The following LAMA5 variants were observed in gnomAD, a reference collection of about 807,000 sequenced individuals.
The protein encoded by LAMA5 is laminin subunit alpha-5.
LAMA5 carries 260 observed loss-of-function variants against 433.4 expected under a neutral mutation model. The observed-to-expected ratio is 0.60, with a 90% CI of 0.54 to 0.66. The LOEUF (loss-of-function observed/expected upper bound fraction) is 0.66. Ranked by LOEUF, LAMA5 falls within the 30% of genes least tolerant of loss-of-function variation. LAMA5 has a pLI of 0.00. For synonymous variants in LAMA5, 2,620 were observed against 2,226.6 expected, an observed-to-expected ratio of 1.18 and a Z score of -4.97; for missense variants, 5,378 against 5,258.5, an observed-to-expected ratio of 1.02 and a Z score of -0.70.
intron 2 of LAMA5, among the ~76,000 whole-genome samples, chr20:62,357,520 C>T (rs1441207462): frequency 6.6e-6 from 1 of 152,198 alleles, no homozygotes; most frequent in East Asian, 1.9e-4. Flanking sequence ...CAGCCGGGAG[C>T]ATCTCCACTG....
rs146456818 is a variant in LAMA5, at chr20:62,315,040, C to T, written c.8035G>A (p.Ala2679Thr). The T allele has an allele frequency of 1.4e-5, 22 of 1,593,432 alleles. No homozygotes were observed. The highest frequency in any genetic ancestry group is 6.7e-5 in the South Asian group (6 of 89,920). Residue 2679 changes from alanine to threonine, a missense_variant, in exon 59 of 80, where the codon GCA becomes ACA. Coordinates refer to ENST00000252999, the MANE Select transcript of LAMA5 (RefSeq NM_005560.6). Reference protein sequence around the residue: ...GQDLGQAVLDAGHSVSTLEKT... With the variant: ...GQDLGQAVLDTGHSVSTLEKT... The stretch of plus-strand genomic sequence containing the variant: ...GCCATGGGCGCACCTGAGTGGCCTG[C>T]GTCAAGCACTGCCTGGCCCAGGTCC...
intron 3 of LAMA5, among the ~76,000 whole-genome samples, chr20:62,352,562 C>A (rs1274234601): frequency 6.6e-6 from 1 of 152,146 alleles, no homozygotes; most frequent in African/African-American, 2.4e-5. Flanking sequence ...CCCTTGCACG[C>A]TTTGAGTGCG....
rs759094750 is a variant in LAMA5 at position 62,337,601 on chromosome 20, G to A, written c.2153C>T (p.Pro718Leu). The A allele has an allele frequency of 6.2e-7, 1 of 1,608,516 alleles. No individual in the cohort carries two copies. Among genetic ancestry groups the A allele is most frequent in the Admixed American group, 1.7e-5 (1 of 59,360 alleles). The change falls in exon 16 of 80, where the codon CCC becomes CTC. Residue 718 changes from proline (P) to leucine (L), a missense_variant. Transcript: ENST00000252999. ...ACCTGCCTGCTCACCTTCGCAGTAGGGGAAGTTGTAGGCACCGGGCACACA... is the reference window on the plus strand; with the variant it reads ...ACCTGCCTGCTCACCTTCGCAGTAGAGGAAGTTGTAGGCACCGGGCACACA... ...DTCVPGAYNF[P>L]YCEAGSCHPA...
Position 62,327,186 on chromosome 20 carries a change from C to A in LAMA5, c.5112+47G>T. 6 of 1,449,858 alleles carry A rather than the reference C, an allele frequency of 4.1e-6. No individual in the cohort carries two copies. The South Asian group carries it at 8.7e-5, about 21-fold the overall frequency. The allele number at this position is 1,449,858 out of a possible 1,614,324, so 89.8% of individuals were successfully genotyped here. A position where few individuals can be genotyped will look rare whatever the true frequency, so the allele number is the denominator to read the frequency against. ...CCTGGCTCCCAACCCTCTCAGGCGT[C>A]CTGGCCATCCTCAAAGTGCCTCCCC... is the stretch of plus-strand genomic sequence containing the variant. On this transcript the variant is annotated intron_variant, in intron 38 of 79. Transcript: ENST00000252999.
Position 62,317,716 on chromosome 20 carries a change from C to G in LAMA5, c.7302G>C (p.Arg2434Ser). The G allele has an allele frequency of 6.2e-7, 1 of 1,606,448 alleles. No individual in the cohort carries two copies. The highest frequency in any genetic ancestry group is 1.1e-5 in the South Asian group (1 of 90,024). ...ATLQATLHAA[R>S]DTLASVFRLL... ...ATCTGAAGACGCTGGCCAGGGTGTC[C>G]CTAGCCGCATGCAGAGTGGCCTGCA... Residue 2434 changes from arginine to serine, a missense_variant, in exon 54 of 80, where the codon AGG becomes AGC. Arg to Ser is a moderately radical substitution (Grantham distance 110). Coordinates refer to ENST00000252999, the MANE Select transcript of LAMA5 (RefSeq NM_005560.6).
chr20:62,346,043 C>CAGTG, intron 10 of LAMA5, 38 bp downstream of exon 10: 1 of 1,610,426 alleles, frequency 6.2e-7, no homozygotes, highest in East Asian at 2.2e-5. Flanking sequence ...GTCCAGCAGG[C>CAGTG]AGTGGTGTCT....
In LAMA5 at chr20:62,318,640, C is replaced by A; in HGVS notation, c.7053G>T (p.Arg2351=). The part of the protein sequence containing the change: ...ELAAAQRLLA[R]VQEQLSSLWE... ...AGAGGCTGCTCAGCTGCTCCTGCAC[C>A]CGGGCCAGCACTAGCCGAGACCAGG... Residue 2351 remains arginine (R), a synonymous_variant, in exon 53 of 80, where the codon CGG becomes CGT. Coordinates refer to ENST00000252999, the MANE Select transcript of LAMA5 (RefSeq NM_005560.6). 6.2e-7 allele frequency: 1 copy of A among 1,610,224 alleles called. No individual in the cohort carries two copies.
At chr20:62,322,243 CCCT>C in intron 47 of LAMA5, 23 bp downstream of exon 47, 1 of 1,569,946 alleles carries the variant, frequency 6.4e-7, no homozygotes, top group Non-Finnish European at 8.6e-7. Flanking sequence ...TCCCCATCCG[CCCT>C]CCTGTGACCG....
intron 18 of LAMA5, among the ~76,000 whole-genome samples, chr20:62,336,059 C>A (rs1462719333): frequency 1.4e-5 from 2 of 144,064 alleles, no homozygotes; most frequent in South Asian, 2.3e-4. Context: ...CTTTAGGGCA[C>A]ACTCACAGGC....
intron 2 of LAMA5, among the ~76,000 whole-genome samples, chr20:62,356,907 G>C (rs867064520): frequency 2.6e-5 from 4 of 152,368 alleles, no homozygotes; most frequent in Middle Eastern, 3.4e-3. Context: ...GGCCCCCACT[G>C]GAGCTGCCCC....
intron 31 of LAMA5, among the ~76,000 whole-genome samples, chr20:62,330,280 G>A (rs990593775): frequency 1.3e-5 from 2 of 152,260 alleles, no homozygotes; most frequent in Middle Eastern, 3.2e-3. Flanking sequence ...CCCAACGCAC[G>A]AGACAGAGGC....
chr20:62,309,457 G>A lies in LAMA5; in HGVS notation c.10967C>T (p.Pro3656Leu), dbSNP rs1373275536. Residue 3656 changes from proline to leucine, a missense_variant, in exon 80 of 80, where the codon CCC becomes CTC. Pro to Leu is a moderately conservative substitution (Grantham distance 98). Transcript: ENST00000252999. Reference sequence around the variant, plus strand: ...GCAGCCGCAGTAGGCGGGGGGCCAGGGCTGCACGGCCATGGGCTCTGGGGG... The same window carrying A: ...GCAGCCGCAGTAGGCGGGGGGCCAGAGCTGCACGGCCATGGGCTCTGGGGG... Reference protein sequence around the residue: ...GGLPEPMAVQPWPPAYCGCMR... With the variant: ...GGLPEPMAVQLWPPAYCGCMR... 4 of 1,582,954 alleles carry A rather than the reference G, an allele frequency of 2.5e-6. No individual in the cohort carries two copies. The African/African-American group carries it at 5.4e-5, about 21-fold the overall frequency.
At position 62,319,692 on chromosome 20, in the gene LAMA5, G is replaced by A. The variant is rs1987457033; in HGVS notation, c.6863C>T (p.Thr2288Ile). The A allele has an allele frequency of 1.3e-6, 2 of 1,541,964 alleles. No individual in the cohort carries two copies. Among genetic ancestry groups the A allele is most frequent in the Non-Finnish European group, 1.7e-6 (2 of 1,145,530 alleles). ...GCTGGGCTGGCCCCTACCGCTCAGGGTGCGGTCCACAGCCCGGATGGCCGC... is the reference window on the plus strand; with the variant it reads ...GCTGGGCTGGCCCCTACCGCTCAGGATGCGGTCCACAGCCCGGATGGCCGC... ...LLAAIRAVDRTLSELMSQTGH... is the reference protein window; with the variant it reads ...LLAAIRAVDRILSELMSQTGH... Residue 2288 changes from threonine to isoleucine, a missense_variant, in exon 51 of 80, where the codon ACC becomes ATC. By Grantham distance (89) the Thr-to-Ile change is moderately conservative (BLOSUM62 -1). Transcript: ENST00000252999.
In LAMA5 at chr20:62,322,758, C is replaced by G. The variant is rs1178573135; in HGVS notation, c.6065G>C (p.Arg2022Pro). Residue 2022 changes from arginine (R) to proline (P), a missense_variant and splice_region_variant, in exon 46 of 80, where the codon CGG becomes CCG. By Grantham distance (103) the Arg-to-Pro change is moderately radical. Transcript: ENST00000252999. Reference sequence around the variant, plus strand: ...TGTCCCACATGGGGTACAGTCGCACCCTGCAGAAGGGGTCCGTGACTGCAG... The same window carrying G: ...TGTCCCACATGGGGTACAGTCGCACGCTGCAGAAGGGGTCCGTGACTGCAG... ...GNALLPGNCT[R>P]CDCTPCGTEA... The G allele has an allele frequency of 2.7e-6, 4 of 1,486,648 alleles. No homozygotes were observed. In the African/African-American group the frequency reaches 5.6e-5, roughly 21 times the overall value. The allele number at this position is 1,486,648 out of a possible 1,614,324, so 92.1% of individuals were successfully genotyped here. A position where few individuals can be genotyped will look rare whatever the true frequency, so the allele number is the denominator to read the frequency against.
rs1448866468 is a variant in LAMA5 at position 62,326,907 on chromosome 20, A to T, written c.5172T>A (p.Asp1724Glu). ...YELHSETQRG[D>E]VFVPMESRPD... ...GCCTGCTCTCCATGGGGACAAAGAC[A>T]TCTCCCCGCTGGGTCTCTGAGTGCA... The change falls in exon 39 of 80, where the codon GAT becomes GAA. Residue 1724 changes from aspartate to glutamate, a missense_variant. By Grantham distance (45) the Asp-to-Glu change is conservative (BLOSUM62 2). Coordinates refer to ENST00000252999, the MANE Select transcript of LAMA5 (RefSeq NM_005560.6). 6.2e-7 allele frequency: 1 copy of T among 1,612,196 alleles called. No individual in the cohort carries two copies. The highest frequency in any genetic ancestry group is 8.5e-7 in the Non-Finnish European group (1 of 1,179,358).
Position 62,317,490 on chromosome 20 carries a change from G to A in LAMA5, c.7366C>T (p.Arg2456Cys), listed in dbSNP as rs754365417. Residue 2456 changes from arginine to cysteine, a missense_variant, in exon 55 of 80, where the codon CGC (arginine) becomes TGC (cysteine). By Grantham distance (180) the Arg-to-Cys change is radical (BLOSUM62 -3). Transcript: ENST00000252999. The stretch of plus-strand genomic sequence containing the variant: ...GCCCCATCCAGGCTGGCGGCGAGGC[G>A]CTCCAGCTCCTGGAATTTGAGTGGA... ...SLDQAKEELE[R>C]LAASLDGART... 53 of 1,542,920 alleles carry A rather than the reference G, an allele frequency of 3.4e-5. No homozygotes were observed. The highest frequency in any genetic ancestry group is 1.8e-4 in the African/African-American group (13 of 72,734).
Position 62,367,121 on chromosome 20 carries a change from C to G in LAMA5, c.125G>C (p.Gly42Ala). The G allele has an allele frequency of 1.6e-6, 2 of 1,275,324 alleles. No homozygotes were observed. Among genetic ancestry groups the G allele is most frequent in the Non-Finnish European group, 2.0e-6 (2 of 1,014,218 alleles). The allele number at this position is 1,275,324 out of a possible 1,614,324, so 79.0% of individuals were successfully genotyped here. A position where few individuals can be genotyped will look rare whatever the true frequency, so the allele number is the denominator to read the frequency against. The change falls in exon 1 of 80, where the codon GGC becomes GCC. Residue 42 changes from glycine (G) to alanine (A), a missense_variant. Coordinates refer to ENST00000252999, the MANE Select transcript of LAMA5 (RefSeq NM_005560.6). ...GAAGTAGGGCGGGTGCAGGCTGAAG[C>G]CGCCGCCCGCCTCCTCCCGCGCCCG... ...AARAREEAGG[G>A]FSLHPPYFNL... is the part of the protein sequence containing the mutation.
At chr20:62,314,478 G>GGGGACCA (rs766797172) in intron 61 of LAMA5, 38 bp from the exon 62 acceptor site, 50 of 1,611,088 alleles carry the variant, frequency 3.1e-5, no homozygotes, top group Non-Finnish European at 4.0e-5. Flanking sequence ...GATGGGGACC[G>GGGGACCA]GGGACCAGGG....
In LAMA5 at chr20:62,315,981, G is replaced by A; in HGVS notation, c.7834C>T (p.Gln2612Ter). The A allele has an allele frequency of 6.2e-7, 1 of 1,607,758 alleles. No homozygotes were observed. Among genetic ancestry groups the A allele is most frequent in the Non-Finnish European group, 8.5e-7 (1 of 1,179,104 alleles). ...AKKDQLEAHI[Q>*]AAQAMLAMDT... Reference sequence around the variant, plus strand: ...ATGGCAAGCATGGCCTGCGCCGCCTGGATGTGCGCCTCCAGCTGGTCCTTC... The same window carrying A: ...ATGGCAAGCATGGCCTGCGCCGCCTAGATGTGCGCCTCCAGCTGGTCCTTC... The change falls in exon 58 of 80, where the codon CAG becomes TAG. Residue 2612 changes from glutamine (Q) to a stop codon, truncating the protein, a stop_gained. Coordinates refer to ENST00000252999, the MANE Select transcript of LAMA5 (RefSeq NM_005560.6). LOFTEE classifies it high-confidence loss of function.
Sources: gnomAD v4.1 joint callset for allele counts (sites outside exome capture counted in the v4.1 genomes callset) on GRCh38, gnomAD v4.1.1 for gene constraint, MANE v1.5 for transcripts, NCBI Gene and HGNC (gene_info 2026-07-23, HGNC 2026-07-21) for gene names.